Variants in RYR3 observed in about 807,000 individuals in gnomAD.
The protein encoded by RYR3 is brain ryanodine receptor-calcium release channel.
A neutral mutation model predicts 584.3 loss-of-function variants in RYR3; 207 were observed. The observed-to-expected ratio is 0.35, with a 90% confidence interval of 0.32 to 0.40. The LOEUF is 0.40. Among genes scored for constraint, RYR3 ranks in the 10% least tolerant of loss-of-function variants. The probability of loss-of-function intolerance (pLI) is 1.00; values close to 1 mark genes in which losing one functional copy is unlikely to be tolerated. For synonymous variants in RYR3, 2,416 were observed against 2,248.5 expected (o/e 1.07, Z -2.11); for missense variants, 5,616 against 6,089.2 (o/e 0.92, Z 2.59).
chr15:33,547,220 C>T lies in RYR3; in HGVS notation c.741-910C>T, dbSNP rs151139274. ...GAGACACATTTCACAAAATACCCAA[C>T]CGGTACTCCACAAAACTGTCAAAGT... On this transcript the variant is annotated intron_variant, in intron 8 of 103. Transcript: ENST00000634891. 3.2e-3 allele frequency among the ~76,000 whole-genome samples: 480 copies of T among 152,282 alleles called. 2 individuals carry two copies. Among genetic ancestry groups the T allele is most frequent in the African/African-American group, 0.011 (444 of 41,560 alleles).
Position 33,529,300 on chromosome 15 carries a change from T to C in RYR3, c.280-1292T>C, listed in dbSNP as rs1277621005. Among the ~76,000 whole-genome samples the C allele has an allele frequency of 4.6e-5, 7 of 152,230 alleles. No individual in the cohort carries two copies. In the South Asian group the frequency reaches 1.4e-3, roughly 32 times the overall value. On this transcript the variant is annotated intron_variant, in intron 3 of 103. Coordinates refer to ENST00000634891, the MANE Select transcript of RYR3 (RefSeq NM_001036.6). The stretch of plus-strand genomic sequence containing the variant: ...TTGGAACATGATACCACGTTTATCT[T>C]TTTTCTCTTCTTTAGGCTCATTATG...
At chr15:33,723,023 C>A in intron 44 of RYR3, 128 bp downstream of exon 44, 1 of 820,804 alleles carries the variant, frequency 1.2e-6, no homozygotes. Flanking sequence ...AAAACATTGA[C>A]CCTTCATCGA....
At chr15:33,355,391 G>T (rs1973831505) in intron 1 of RYR3, among the ~76,000 whole-genome samples, 1 of 152,072 alleles carries the variant, frequency 6.6e-6, no homozygotes, top group Admixed American at 6.6e-5. Flanking sequence ...AGCATCATAT[G>T]GTACCTATAG....
At chr15:33,818,475 A>G in intron 75 of RYR3, 103 bp from the exon 76 acceptor site, 2 of 774,400 alleles carry the variant, frequency 2.6e-6, no homozygotes, top group Admixed American at 2.2e-5. Context: ...CTTTAGTCTG[A>G]TGCACTCTGT....
intron 52 of RYR3, among the ~76,000 whole-genome samples, chr15:33,743,802 C>G (rs572433880): frequency 6.1e-4 from 93 of 152,364 alleles, no homozygotes; most frequent in Middle Eastern, 3.4e-3. Context: ...TGCATTTGCC[C>G]AGTCTGTTCT....
chr15:33,332,582 A>G (rs1023399849), intron 1 of RYR3, among the ~76,000 whole-genome samples: 3 of 152,166 alleles, frequency 2.0e-5, no homozygotes, highest in Non-Finnish European at 4.4e-5. Flanking sequence ...GGCAATCAGT[A>G]TCATATAAAT....
At chr15:33,355,981 GAA>G (rs1167400714) in intron 1 of RYR3, among the ~76,000 whole-genome samples, 1 of 152,212 alleles carries the variant, frequency 6.6e-6, no homozygotes, top group Non-Finnish European at 1.5e-5. Context: ...GAGAGAAACA[GAA>G]GAGTGAGACC....
intron 1 of RYR3, among the ~76,000 whole-genome samples, chr15:33,448,748 TG>T (rs2046874375): frequency 1.3e-5 from 2 of 152,266 alleles, no homozygotes; most frequent in African/African-American, 4.8e-5. Context: ...ATTATGGTTT[TG>T]GGAAGCGGAT....
intron 3 of RYR3, among the ~76,000 whole-genome samples, chr15:33,507,077 A>G (rs759075598): frequency 8.5e-5 from 13 of 152,206 alleles, no homozygotes; most frequent in Non-Finnish European, 1.5e-4. Flanking sequence ...TTTGAAGAGT[A>G]TAATTTTTCC....
chr15:33,705,101 T>TTCTCTCTCTCTCTCTC lies in RYR3; in HGVS notation c.6484-1799_6484-1784dup, dbSNP rs10534581. 6.2e-3 allele frequency among the ~76,000 whole-genome samples: 877 copies of TTCTCTCTCTCTCTCTC among 142,174 alleles called. 18 individuals are homozygous for TTCTCTCTCTCTCTCTC. Among genetic ancestry groups the TTCTCTCTCTCTCTCTC allele is most frequent in the African/African-American group, 0.011 (417 of 36,976 alleles). The allele number at this position is 142,174 out of a possible 152,430, so 93.3% of individuals were successfully genotyped here. On this transcript the variant is annotated intron_variant, in intron 42 of 103. Coordinates refer to ENST00000634891, the MANE Select transcript of RYR3 (RefSeq NM_001036.6). Reference sequence around the variant, plus strand: ...GCACACACACATGCACACACACTCTTTCTCTCTCTCTCTCTCTCTCTCTCT... The same window carrying TTCTCTCTCTCTCTCTC: ...GCACACACACATGCACACACACTCTTTCTCTCTCTCTCTCTCTCTCTCTCTCTCTCTCTCTCTCTCT...
chr15:33,556,810 A>G (rs548445079), intron 10 of RYR3, among the ~76,000 whole-genome samples: 2 of 152,216 alleles, frequency 1.3e-5, no homozygotes, highest in Admixed American at 6.5e-5. Flanking sequence ...CATCAGGTAG[A>G]AATTCTTGTA....
At position 33,857,767 on chromosome 15, in the gene RYR3, C is replaced by G. The variant is rs1188351298; in HGVS notation, c.14008-13C>G. ...CCCCACTCCTTTTCCTTTCTCTGTCCTCTCATTCCCAGTTGGTTCTGACTG... is the reference window on the plus strand; with the variant it reads ...CCCCACTCCTTTTCCTTTCTCTGTCGTCTCATTCCCAGTTGGTTCTGACTG... On this transcript the variant is annotated splice_polypyrimidine_tract_variant and intron_variant, in intron 98 of 103. Coordinates refer to ENST00000634891, the MANE Select transcript of RYR3 (RefSeq NM_001036.6). 6 of 1,613,786 alleles carry G rather than the reference C, an allele frequency of 3.7e-6. No individual in the cohort carries two copies. The highest frequency in any genetic ancestry group is 5.1e-6 in the Non-Finnish European group (6 of 1,179,850).
chr15:33,789,409 G>A (rs1380822738), intron 67 of RYR3, among the ~76,000 whole-genome samples: 1 of 151,298 alleles, frequency 6.6e-6, no homozygotes, highest in African/African-American at 2.4e-5. Flanking sequence ...AGAGTGGAAT[G>A]TGATCCATAG....
intron 18 of RYR3, among the ~76,000 whole-genome samples, chr15:33,611,822 C>T (rs796266922): frequency 1.8e-4 from 28 of 152,070 alleles, no homozygotes; most frequent in African/African-American, 6.5e-4. Context: ...TCACGCCCAG[C>T]TAATTTTTGT....
At chr15:33,585,263 T>C (rs1471032385) in intron 15 of RYR3, among the ~76,000 whole-genome samples, 1 of 152,190 alleles carries the variant, frequency 6.6e-6, no homozygotes, top group Non-Finnish European at 1.5e-5. Context: ...TGGGCTAGAT[T>C]ACATTTCAGG....
Position 33,660,349 on chromosome 15 carries a change from C to T in RYR3, c.4548C>T (p.Ser1516=), listed in dbSNP as rs200944014. The stretch of plus-strand genomic sequence containing the variant: ...TGAAGGTGGAGACCGAGCGTGTGAG[C>T]GAGCGCCACGGCTGGGTGGTGCAGT... ...SFLKVETERV[S]ERHGWVVQCL... Residue 1516 remains serine, a synonymous_variant, in exon 34 of 104, where the codon AGC becomes AGT. Transcript: ENST00000634891. 18 of 1,591,824 alleles carry T rather than the reference C, an allele frequency of 1.1e-5. No individual in the cohort carries two copies. The highest frequency in any genetic ancestry group is 2.7e-5 in the African/African-American group (2 of 74,500).
At chr15:33,754,226 C>T (rs1056831008) in intron 57 of RYR3, among the ~76,000 whole-genome samples, 2 of 152,192 alleles carry the variant, frequency 1.3e-5, no homozygotes, top group Non-Finnish European at 2.9e-5. Flanking sequence ...CCTGCTTCTA[C>T]ACTTGACTCA....
intron 18 of RYR3, among the ~76,000 whole-genome samples, chr15:33,603,832 T>C (rs2059786502): frequency 6.6e-6 from 1 of 152,246 alleles, no homozygotes; most frequent in Non-Finnish European, 1.5e-5. Context: ...TGACTACAAG[T>C]CCATAATCTT....
chr15:33,670,106 C>G (rs1414048807), intron 37 of RYR3, among the ~76,000 whole-genome samples: 5 of 152,156 alleles, frequency 3.3e-5, no homozygotes, highest in South Asian at 2.1e-4. Flanking sequence ...CCCAAACATT[C>G]TTCCAGAGGT....
Sources: allele counts gnomAD v4.1 joint callset (sites outside exome capture counted in the v4.1 genomes callset), GRCh38; gene constraint gnomAD v4.1.1; transcripts MANE v1.5; gene names NCBI Gene and HGNC (gene_info 2026-07-23, HGNC 2026-07-21).